Variants in C16orf46 observed in about 807,000 individuals in gnomAD.
C16orf46 encodes uncharacterized protein C16orf46.
Under a neutral mutation model 5.5 loss-of-function variants are expected in C16orf46, and 7 were observed. That is an observed-to-expected ratio of 1.28 (90% CI 0.73 to 2.40). The LOEUF is 2.40. C16orf46 is among the 30% of genes most tolerant of loss of function. The pLI, the probability that C16orf46 is intolerant of heterozygous loss-of-function variation, is 0.00. For missense variants in C16orf46, 614 were observed against 476.0 expected (o/e 1.29, Z -2.70); for synonymous variants, 200 against 184.1 (o/e 1.09, Z -0.70).
Position 81,062,075 on chromosome 16 carries a change from C to A in C16orf46, c.274G>T (p.Ala92Ser). The change falls in exon 4 of 4, where the codon GCG becomes TCG. Residue 92 changes from alanine (A) to serine (S), a missense_variant. By Grantham distance (99) the Ala-to-Ser change is moderately conservative (BLOSUM62 1). Transcript: ENST00000299578. ...CIWPRKIPKK[A>S]RVGEGACSDC... is the part of the protein sequence containing the mutation. Reference sequence around the variant, plus strand: ...CTGCAGGCACCTTCCCCTACCCTCGCCTTTTTTGGTATCTTCCTCGGCCAG... The same window carrying A: ...CTGCAGGCACCTTCCCCTACCCTCGACTTTTTTGGTATCTTCCTCGGCCAG... 1 of 1,611,066 alleles carries A rather than the reference C, an allele frequency of 6.2e-7. No homozygotes were observed.
chr16:81,072,435 G>T (rs1283278310), intron 1 of C16orf46, among the ~76,000 whole-genome samples: 1 of 152,002 alleles, frequency 6.6e-6, no homozygotes, highest in South Asian at 2.1e-4. Context: ...GCCCAGGCTG[G>T]AGTGCAATGG....
chr16:81,056,133 G>C (rs1045104879), downstream of C16orf46: 11 of 152,226 alleles, frequency 7.2e-5, no homozygotes, highest in African/African-American at 2.4e-4. Flanking sequence ...GCTTGCTAAG[G>C]TGTATCCCAC....
In C16orf46 at chr16:81,062,585, A is replaced by C. The variant is rs115365157; in HGVS notation, c.211-447T>G. Among the ~76,000 whole-genome samples, 1,130 of 152,330 alleles carry C rather than the reference A, an allele frequency of 7.4e-3. 10 individuals carry two copies. Among genetic ancestry groups the C allele is most frequent in the African/African-American group, 0.026 (1,079 of 41,576 alleles). ...ACCAACAAGGATTTCGGGCACCGCC[A>C]GTCTCTGCTTCCCTTACCTGGGGAA... On this transcript the variant is annotated intron_variant, in intron 3 of 3. Transcript: ENST00000299578.
intron 1 of C16orf46, among the ~76,000 whole-genome samples, chr16:81,071,020 G>A (rs8061024): frequency 0.034 from 5,119 of 152,112 alleles, 229 homozygotes; most frequent in African/African-American, 0.11. Context: ...ATGGTTTTCC[G>A]ACTCCAGAGT....
At chr16:81,065,986 A>C (rs1013690779) in intron 2 of C16orf46, among the ~76,000 whole-genome samples, 23 of 151,990 alleles carry the variant, frequency 1.5e-4, no homozygotes, top group African/African-American at 5.6e-4. Flanking sequence ...CCCAGGTTCA[A>C]GCAATTCTCC....
chr16:81,061,417 C>G lies in C16orf46; in HGVS notation c.932G>C (p.Cys311Ser), dbSNP rs776679658. Residue 311 changes from cysteine to serine, a missense_variant, in exon 4 of 4, where the codon TGC becomes TCC. Coordinates refer to ENST00000299578, the MANE Select transcript of C16orf46 (RefSeq NM_152337.3). ...WSLLSEKNLA[C>S]PPDPSNVRYL... ...GCGAACGTTGCTGGGGTCTGGAGGG[C>G]ACGCCAGGTTTTTCTCAGACAGGAG... 6.2e-7 allele frequency: 1 copy of G among 1,614,048 alleles called. No individual in the cohort carries two copies. Among genetic ancestry groups the G allele is most frequent in the African/African-American group, 1.3e-5 (1 of 74,918 alleles).
At chr16:81,058,994 T>C (rs1374831257), downstream of C16orf46, among the ~76,000 whole-genome samples, 1 of 152,160 alleles carries the variant, frequency 6.6e-6, no homozygotes, top group Non-Finnish European at 1.5e-5. Flanking sequence ...AAATGATCCC[T>C]GATTCCCATG....
intron 1 of C16orf46, among the ~76,000 whole-genome samples, chr16:81,074,864 T>C (rs973263556): frequency 6.6e-6 from 1 of 152,186 alleles, no homozygotes; most frequent in Non-Finnish European, 1.5e-5. Flanking sequence ...ATGCATCAGA[T>C]CCTTGTAAAA....
In C16orf46 at chr16:81,061,072, G is replaced by C. The variant is rs867649181; in HGVS notation, c.*89C>G. On this transcript the variant is annotated 3_prime_UTR_variant, in exon 4 of 4. Transcript: ENST00000299578. ...GACGGGGAGGAGAGAAAGAGAGAGT[G>C]GGGGGTGGGTGGGAAATGAGAGAGA... The C allele has an allele frequency of 9.6e-6, 14 of 1,459,118 alleles. No individual in the cohort carries two copies. Among genetic ancestry groups the C allele is most frequent in the South Asian group, 1.4e-5 (1 of 69,836 alleles). The allele number at this position is 1,459,118 out of a possible 1,614,324, so 90.4% of individuals were successfully genotyped here.
rs1971442967 is a variant in C16orf46 at position 81,060,981 on chromosome 16, G to A, written c.*180C>T. The A allele has an allele frequency of 2.2e-6, 3 of 1,379,990 alleles. No individual in the cohort carries two copies. Among genetic ancestry groups the A allele is most frequent in the South Asian group, 1.9e-5 (1 of 51,954 alleles). 85.5% of individuals were successfully genotyped at this position (1,379,990 alleles called of 1,614,324 possible). On this transcript the variant is annotated 3_prime_UTR_variant, in exon 4 of 4. Transcript: ENST00000299578. Reference sequence around the variant, plus strand: ...AGAAAATAAATCCCAACAATCCACTGAGGTTCAGTTTTCTTCAGTTGTACT... The same window carrying A: ...AGAAAATAAATCCCAACAATCCACTAAGGTTCAGTTTTCTTCAGTTGTACT...
chr16:81,062,206 C>T, intron 3 of C16orf46, 68 bp from the exon 4 acceptor site: 1 of 1,400,596 alleles, frequency 7.1e-7, no homozygotes, highest in Non-Finnish European at 9.4e-7. Flanking sequence ...CAATTTTGGC[C>T]ACATTCCCAT....
At chr16:81,069,976 A>C (rs1164585554) in intron 1 of C16orf46, 1 of 152,150 alleles carries the variant, frequency 6.6e-6, no homozygotes, top group African/African-American at 2.4e-5. Flanking sequence ...TACAAAAAAA[A>C]TTAGCTGGGC....
intron 2 of C16orf46, among the ~76,000 whole-genome samples, chr16:81,064,513 T>G (rs1343510277): frequency 1.3e-5 from 2 of 152,014 alleles, no homozygotes; most frequent in African/African-American, 4.8e-5. Flanking sequence ...GTTGGGATGC[T>G]GAGGCTGATG....
chr16:81,055,745 A>C (rs901057967), intron 3 of C16orf46, among the ~76,000 whole-genome samples: 10 of 152,118 alleles, frequency 6.6e-5, no homozygotes, highest in Admixed American at 3.9e-4. Flanking sequence ...TTTGAGACGG[A>C]CTGTCGCTCT....
At chr16:81,060,820 T>G, downstream of C16orf46, 1 of 295,574 alleles carries the variant, frequency 3.4e-6, no homozygotes, top group Non-Finnish European at 5.7e-6. Context: ...AGGAGGCCCT[T>G]TGGATTCCCC....
At chr16:81,063,707 G>A in intron 3 of C16orf46, 39 bp downstream of exon 3, 1 of 1,541,992 alleles carries the variant, frequency 6.5e-7, no homozygotes, top group Non-Finnish European at 8.9e-7. Context: ...ACACTGATGT[G>A]CGAGAGACAG....
At chr16:81,069,388 T>C (rs1048115616) in intron 1 of C16orf46, among the ~76,000 whole-genome samples, 3 of 152,202 alleles carry the variant, frequency 2.0e-5, no homozygotes, top group African/African-American at 7.2e-5. Flanking sequence ...CTCCTGAACA[T>C]GAACTGACAG....
At chr16:81,055,274 T>C (rs554383663) in intron 3 of C16orf46, 5 of 152,278 alleles carry the variant, frequency 3.3e-5, no homozygotes, top group African/African-American at 1.2e-4. Context: ...TTAGTGATCA[T>C]GGTTATTCTT....
intron 1 of C16orf46, among the ~76,000 whole-genome samples, chr16:81,067,553 T>G (rs916035104): frequency 2.6e-5 from 4 of 152,134 alleles, no homozygotes; most frequent in Non-Finnish European, 5.9e-5. Flanking sequence ...TGTTTGTTTG[T>G]TTTGGTTTGT....
Sources: gnomAD v4.1 joint callset for allele counts (sites outside exome capture counted in the v4.1 genomes callset) on GRCh38, gnomAD v4.1.1 for gene constraint, MANE v1.5 for transcripts, NCBI Gene and HGNC (gene_info 2026-07-23, HGNC 2026-07-21) for gene names.